The following PRKCE variants were observed in gnomAD, a reference collection of about 807,000 sequenced individuals.
PRKCE encodes the protein protein kinase C epsilon.
Under a neutral mutation model 85.4 loss-of-function variants are expected in PRKCE, and 16 were observed. The ratio of observed to expected loss-of-function variants is 0.19; its 90% confidence interval spans 0.13 to 0.28. PRKCE has a LOEUF of 0.28. PRKCE is among the 10% of genes least tolerant of loss of function. PRKCE has a pLI of 1.00. For missense variants in PRKCE, 573 were observed against 975.2 expected, an observed-to-expected ratio of 0.59 and a Z score of 5.49; for synonymous variants, 388 against 371.5, an observed-to-expected ratio of 1.04 and a Z score of -0.51.
chr2:45,915,651 T>G (rs1368967882), intron 2 of PRKCE, among the ~76,000 whole-genome samples: 1 of 152,220 alleles, frequency 6.6e-6, no homozygotes, highest in African/African-American at 2.4e-5. Context: ...CAAATTCGTA[T>G]GATCTTTTTC....
At chr2:45,914,329 AG>A (rs2103859647) in intron 2 of PRKCE, among the ~76,000 whole-genome samples, 1 of 152,340 alleles carries the variant, frequency 6.6e-6, no homozygotes, top group African/African-American at 2.4e-5. Flanking sequence ...GGAACACCAG[AG>A]GCAGGGATGA....
chr2:45,939,405 C>T (rs1003353289), intron 2 of PRKCE, among the ~76,000 whole-genome samples: 10 of 152,128 alleles, frequency 6.6e-5, no homozygotes, highest in Non-Finnish European at 1.0e-4. Flanking sequence ...CCGCATGTTG[C>T]TCTTTCATCA....
At chr2:45,669,147 A>C (rs1264804895) in intron 1 of PRKCE, among the ~76,000 whole-genome samples, 1 of 152,022 alleles carries the variant, frequency 6.6e-6, no homozygotes. Context: ...CCTTATCCCT[A>C]CTTGGCTCTT....
At position 45,652,588 on chromosome 2, in the gene PRKCE, G is replaced by C; in HGVS notation, c.348+140G>C. 1.2e-6 allele frequency: 1 copy of C among 820,562 alleles called. No individual in the cohort carries two copies. Among genetic ancestry groups the C allele is most frequent in the Non-Finnish European group, 1.9e-6 (1 of 538,068 alleles). 50.8% of individuals were successfully genotyped at this position (820,562 alleles called of 1,614,324 possible). ...CTGTAAGTCTCAGTTTCCTTGGGGA[G>C]GTACACTTCACTTCATAGTTGGGGA... is the stretch of plus-strand genomic sequence containing the variant. On this transcript the variant is annotated intron_variant, in intron 1 of 14. Transcript: ENST00000306156. This position sits in a 1 kb window ranked among gnomAD's most constrained non-coding sequence, Gnocchi z 7.7.
At chr2:45,981,444 G>T (rs757032123) in intron 5 of PRKCE, among the ~76,000 whole-genome samples, 1 of 152,148 alleles carries the variant, frequency 6.6e-6, no homozygotes, top group African/African-American at 2.4e-5. Flanking sequence ...TAGCATCCTG[G>T]CATCTAAGGC....
intron 11 of PRKCE, among the ~76,000 whole-genome samples, chr2:46,087,428 G>A (rs890772663): frequency 2.6e-5 from 4 of 152,142 alleles, no homozygotes; most frequent in Non-Finnish European, 4.4e-5. Context: ...ATGTGTGAAC[G>A]TTACTGACCT....
At chr2:45,790,195 C>A (rs1003611880) in intron 1 of PRKCE, among the ~76,000 whole-genome samples, 6 of 152,174 alleles carry the variant, frequency 3.9e-5, no homozygotes, top group Non-Finnish European at 5.9e-5. Context: ...ATGAGAGCAT[C>A]CTTCAGCCTT....
At chr2:45,782,010 T>A (rs1297464449) in intron 1 of PRKCE, among the ~76,000 whole-genome samples, 1 of 152,148 alleles carries the variant, frequency 6.6e-6, no homozygotes, top group Non-Finnish European at 1.5e-5. Flanking sequence ...TTGAGCCTCG[T>A]TTTTGGTTAT....
chr2:45,846,156 A>G (rs958556280), intron 2 of PRKCE, among the ~76,000 whole-genome samples: 9 of 152,214 alleles, frequency 5.9e-5, no homozygotes, highest in African/African-American at 1.9e-4. Context: ...TGCTTAAATC[A>G]AAGCACAATT....
chr2:46,018,340 G>T (rs573537162), intron 10 of PRKCE, among the ~76,000 whole-genome samples: 1 of 152,164 alleles, frequency 6.6e-6, no homozygotes, highest in African/African-American at 2.4e-5. Context: ...GGGAAAGGTA[G>T]GTAGGAGTCC....
intron 5 of PRKCE, among the ~76,000 whole-genome samples, chr2:45,983,993 A>C (rs1341508781): frequency 6.9e-6 from 1 of 144,768 alleles, no homozygotes; most frequent in Non-Finnish European, 1.5e-5. Context: ...GCTAGGGTGC[A>C]GTGGGATGAT....
intron 1 of PRKCE, among the ~76,000 whole-genome samples, chr2:45,720,771 C>A (rs898877219): frequency 6.6e-6 from 1 of 152,158 alleles, no homozygotes; most frequent in Non-Finnish European, 1.5e-5. Context: ...TATGCCAGCA[C>A]TGTGCTTGGG....
chr2:45,931,306 G>A (rs758817568), intron 2 of PRKCE, among the ~76,000 whole-genome samples: 1 of 152,184 alleles, frequency 6.6e-6, no homozygotes, highest in Non-Finnish European at 1.5e-5. Context: ...ATTTATGCTA[G>A]AGAAACCATC....
At chr2:45,889,003 CA>C (rs143867969) in intron 2 of PRKCE, among the ~76,000 whole-genome samples, 2,687 of 152,258 alleles carry the variant, frequency 0.018, 99 homozygotes, top group African/African-American at 0.061. Context: ...GAGATACCCC[CA>C]AAGAGGTAAC....
intron 2 of PRKCE, among the ~76,000 whole-genome samples, chr2:45,886,670 C>A (rs564625463): frequency 6.6e-6 from 1 of 152,312 alleles, no homozygotes; most frequent in South Asian, 2.1e-4. Flanking sequence ...TTTTTCAAAC[C>A]TTTCTAATGC....
intron 11 of PRKCE, among the ~76,000 whole-genome samples, chr2:46,143,670 G>C (rs12470009): frequency 0.031 from 4,678 of 152,314 alleles, 116 homozygotes; most frequent in South Asian, 0.048. Flanking sequence ...CCCACAGCCA[G>C]AGCTGGGCCT....
chr2:45,652,977 A>G lies in PRKCE; in HGVS notation c.348+529A>G, dbSNP rs1048478338. Among the ~76,000 whole-genome samples the G allele has an allele frequency of 1.3e-5, 2 of 152,026 alleles. No homozygotes were observed. The highest frequency in any genetic ancestry group is 4.8e-5 in the African/African-American group (2 of 41,392). On this transcript the variant is annotated intron_variant, in intron 1 of 14. Coordinates refer to ENST00000306156, the MANE Select transcript of PRKCE (RefSeq NM_005400.3). This position sits in a 1 kb window ranked among gnomAD's most constrained non-coding sequence, Gnocchi z 7.7. ...CATGGTGGTTAGCTCATCTTCTGAC[A>G]TACAAGTAGAAAAAATGTGTTCTCC...
chr2:46,043,346 A>G (rs1265036253), intron 10 of PRKCE, among the ~76,000 whole-genome samples: 2 of 152,248 alleles, frequency 1.3e-5, no homozygotes, highest in South Asian at 2.1e-4. Context: ...TCATGCTTAT[A>G]TGGCAAGACA....
At chr2:45,714,280 A>G (rs1679909043) in intron 1 of PRKCE, among the ~76,000 whole-genome samples, 1 of 152,192 alleles carries the variant, frequency 6.6e-6, no homozygotes, top group South Asian at 2.1e-4. Context: ...GATCAAGGTG[A>G]GGGGAGATGG....
Sources: gnomAD v4.1 joint callset for allele counts (sites outside exome capture counted in the v4.1 genomes callset) on GRCh38, gnomAD v4.1.1 for gene constraint, Gnocchi (gnomAD v3.1) non-coding constraint, MANE v1.5 for transcripts, NCBI Gene and HGNC (gene_info 2026-07-23, HGNC 2026-07-21) for gene names.